Variants in REEP1 observed in about 807,000 individuals in gnomAD.
REEP1 encodes receptor expression-enhancing protein 1.
In REEP1, 22 loss-of-function variants were observed where a neutral mutation model predicts 40.3. The observed-to-expected ratio is 0.55, with a 90% CI of 0.39 to 0.78. REEP1 has a LOEUF of 0.78. Ranked by LOEUF, REEP1 falls within the 30% of genes least tolerant of loss-of-function variation. The pLI, the probability that REEP1 is intolerant of heterozygous loss-of-function variation, is 0.00. For synonymous variants in REEP1, 116 were observed against 139.2 expected (o/e 0.83, Z 1.17); for missense variants, 280 against 361.1 (o/e 0.78, Z 1.82).
intron 6 of REEP1, among the ~76,000 whole-genome samples, chr2:86,230,314 G>T (rs1025442647): frequency 1.6e-4 from 25 of 152,362 alleles, no homozygotes; most frequent in African/African-American, 5.8e-4. Context: ...TTCTGAGGCT[G>T]CCCTGAATAA....
chr2:86,244,359 T>C (rs181071224), intron 5 of REEP1, among the ~76,000 whole-genome samples: 72 of 152,190 alleles, frequency 4.7e-4, no homozygotes, highest in African/African-American at 1.6e-3. Flanking sequence ...CTTCTTTTTC[T>C]TTTTAAGGAA....
intron 1 of REEP1, among the ~76,000 whole-genome samples, chr2:86,288,342 G>A (rs1678518988): frequency 6.6e-6 from 1 of 152,134 alleles, no homozygotes; most frequent in South Asian, 2.1e-4. Flanking sequence ...TATTTGTATT[G>A]ACACAGGGTC....
At position 86,314,385 on chromosome 2, in the gene REEP1, C is replaced by T. The variant is rs1291515315; in HGVS notation, c.32+23094G>A. On this transcript the variant is annotated intron_variant, in intron 1 of 8. Transcript: ENST00000538924. ...TGAGCCTCAGTCTCACCCTGGAAGG[C>T]ACTGCAGGGCTGGGCTGGCTCAGAC... Among the ~76,000 whole-genome samples the T allele has an allele frequency of 2.0e-5, 3 of 152,160 alleles. No homozygotes were observed. The East Asian group carries it at 5.8e-4, about 30-fold the overall frequency.
rs1164104038 is a variant in REEP1 at position 86,282,243 on chromosome 2, C to T, written c.33-1G>A. 2 of 1,600,558 alleles carry T rather than the reference C, an allele frequency of 1.2e-6. No individual in the cohort carries two copies. The highest frequency in any genetic ancestry group is 8.6e-7 in the Non-Finnish European group (1 of 1,167,892). The stretch of plus-strand genomic sequence containing the variant: ...AGGGTAAAGGGTGCCAAATATAAGC[C>T]TGGAGGGAAGAGAGACAAAAATAAA... On this transcript the variant is annotated splice_acceptor_variant, in intron 1 of 8. Transcript: ENST00000538924. LOFTEE classifies it high-confidence loss of function.
intron 1 of REEP1, among the ~76,000 whole-genome samples, chr2:86,284,573 C>T (rs144027396): frequency 2.2e-4 from 34 of 152,330 alleles, no homozygotes; most frequent in Admixed American, 5.2e-4. Context: ...TCGGGCACAA[C>T]GCCATGGACT....
chr2:86,215,418 G>GTGTT lies in REEP1; in HGVS notation c.*1617_*1620dup, dbSNP rs1674052843. 6.6e-6 allele frequency: 1 copy of GTGTT among 152,462 alleles called. No individual in the cohort carries two copies. The allele number at this position is 152,462 out of a possible 1,614,324, so 9.4% of individuals were successfully genotyped here. ...TGTCATCAGCAAAGGCCTCTAATAT[G>GTGTT]TGTTTGCGTAGTAATGGAACAGTTT... is the stretch of plus-strand genomic sequence containing the variant. On this transcript the variant is annotated 3_prime_UTR_variant, in exon 9 of 9. Transcript: ENST00000538924.
At chr2:86,305,786 T>C (rs1223077775) in intron 1 of REEP1, among the ~76,000 whole-genome samples, 1 of 152,124 alleles carries the variant, frequency 6.6e-6, no homozygotes, top group Non-Finnish European at 1.5e-5. Flanking sequence ...TCCTCAGCCC[T>C]TCCTTATTAC....
chr2:86,324,557 AAC>A (rs1483535635), intron 1 of REEP1, among the ~76,000 whole-genome samples: 1 of 152,180 alleles, frequency 6.6e-6, no homozygotes, highest in Non-Finnish European at 1.5e-5. Flanking sequence ...GGGTTTGGAG[AAC>A]AGTTTATGAA....
intron 5 of REEP1, among the ~76,000 whole-genome samples, chr2:86,239,208 CAAAAAAAAA>C (rs35714309): frequency 5.7e-4 from 33 of 58,354 alleles, no homozygotes; most frequent in East Asian, 2.5e-3. Flanking sequence ...CCATCTAGAC[CAAAAAAAAA>C]AAAAAAAAAA....
At chr2:86,305,967 G>C (rs566817952) in intron 1 of REEP1, among the ~76,000 whole-genome samples, 26 of 152,262 alleles carry the variant, frequency 1.7e-4, no homozygotes, top group African/African-American at 6.3e-4. Flanking sequence ...TACGAAAAAG[G>C]CTGCTAAGAA....
intron 3 of REEP1, 66 bp downstream of exon 3, chr2:86,263,899 C>T: frequency 3.3e-6 from 4 of 1,228,970 alleles, no homozygotes; most frequent in Non-Finnish European, 4.8e-6. Context: ...AGCCCTTTCC[C>T]ACCTCCCCCT....
At chr2:86,270,710 A>G (rs1276800368) in intron 2 of REEP1, among the ~76,000 whole-genome samples, 1 of 152,208 alleles carries the variant, frequency 6.6e-6, no homozygotes, top group Non-Finnish European at 1.5e-5. Context: ...TGTGTATTTG[A>G]AGACAAATCC....
At position 86,215,413 on chromosome 2, in the gene REEP1, A is replaced by C. The variant is rs1329992395; in HGVS notation, c.*1626T>G. 6.6e-6 allele frequency: 1 copy of C among 152,472 alleles called. No individual in the cohort carries two copies. The highest frequency in any genetic ancestry group is 1.5e-5 in the Non-Finnish European group (1 of 68,042). 9.4% of individuals were successfully genotyped at this position (152,472 alleles called of 1,614,324 possible). A position where few individuals can be genotyped will look rare whatever the true frequency, so the allele number is the denominator to read the frequency against. On this transcript the variant is annotated 3_prime_UTR_variant, in exon 9 of 9. Coordinates refer to ENST00000538924, the MANE Select transcript of REEP1 (RefSeq NM_001371279.1). ...TAATGTGTCATCAGCAAAGGCCTCT[A>C]ATATGTGTTTGCGTAGTAATGGAAC... is the stretch of plus-strand genomic sequence containing the variant.
At position 86,228,456 on chromosome 2, in the gene REEP1, CTT is replaced by C. The variant is rs5832674; in HGVS notation, c.596-1060_596-1059del. Reference sequence around the variant, plus strand: ...ACACTGGTTCATGGGATCCCCTTCACTTTTTTTTTTTTTTTTAATGAGACAGA... The same window carrying C: ...ACACTGGTTCATGGGATCCCCTTCACTTTTTTTTTTTTTTAATGAGACAGA... On this transcript the variant is annotated intron_variant, in intron 6 of 8. Transcript: ENST00000538924. 4.4e-3 allele frequency among the ~76,000 whole-genome samples: 600 copies of C among 137,710 alleles called. 3 individuals are homozygous for C. The highest frequency in any genetic ancestry group is 0.011 in the African/African-American group (399 of 37,216). 90.3% of individuals were successfully genotyped at this position (137,710 alleles called of 152,430 possible).
chr2:86,274,318 A>G (rs1173021821), intron 2 of REEP1, among the ~76,000 whole-genome samples: 1 of 152,230 alleles, frequency 6.6e-6, no homozygotes, highest in Non-Finnish European at 1.5e-5. Flanking sequence ...ACGGATTCCT[A>G]GAAAAGCAAG....
intron 2 of REEP1, among the ~76,000 whole-genome samples, chr2:86,281,868 A>G (rs1299350276): frequency 6.6e-6 from 1 of 152,160 alleles, no homozygotes; most frequent in Admixed American, 6.5e-5. Flanking sequence ...CCAGACAAAT[A>G]AATCAAGGCT....
At chr2:86,239,909 G>C (rs559805858) in intron 5 of REEP1, 1 of 152,530 alleles carries the variant, frequency 6.6e-6, no homozygotes, top group East Asian at 1.9e-4. Context: ...GCCGAGGCAG[G>C]GGGGACACCT....
At position 86,270,353 on chromosome 2, in the gene REEP1, C is replaced by T. The variant is rs536191181; in HGVS notation, c.106-6312G>A. 1.5e-3 allele frequency among the ~76,000 whole-genome samples: 228 copies of T among 152,242 alleles called. 2 individuals carry two copies. The highest frequency in any genetic ancestry group is 2.2e-3 in the Non-Finnish European group (151 of 68,016). On this transcript the variant is annotated intron_variant, in intron 2 of 8. Coordinates refer to ENST00000538924, the MANE Select transcript of REEP1 (RefSeq NM_001371279.1). The stretch of plus-strand genomic sequence containing the variant: ...CTGGGACTACAGGCATGCGCCACCA[C>T]GCCTGGCTAATTTTGTATTTTTAGT...
intron 1 of REEP1, among the ~76,000 whole-genome samples, chr2:86,328,976 C>T (rs534701120): frequency 3.1e-4 from 47 of 152,262 alleles, no homozygotes; most frequent in South Asian, 1.2e-3. Flanking sequence ...TCTTGGTACC[C>T]GGGTTCCAGG....
Sources: gnomAD v4.1 joint callset for allele counts (sites outside exome capture counted in the v4.1 genomes callset) on GRCh38, gnomAD v4.1.1 for gene constraint, MANE v1.5 for transcripts, NCBI Gene and HGNC (gene_info 2026-07-23, HGNC 2026-07-21) for gene names.